The following PRND variants were observed in gnomAD, a reference collection of about 807,000 sequenced individuals.
PRND encodes the protein prion like protein doppel.
For missense variants in PRND, 227 were observed against 223.3 expected, an observed-to-expected ratio of 1.02 and a Z score of -0.11; for synonymous variants, 94 against 93.2, an observed-to-expected ratio of 1.01 and a Z score of -0.05.
At position 4,727,677 on chromosome 20, in the gene PRND, T is replaced by A. The variant is rs932790723; in HGVS notation, c.*2595T>A. 1.2e-5 allele frequency: 2 copies of A among 167,052 alleles called. No individual in the cohort carries two copies. Among genetic ancestry groups the A allele is most frequent in the Non-Finnish European group, 2.9e-5 (2 of 68,122 alleles). 10.3% of individuals were successfully genotyped at this position (167,052 alleles called of 1,614,324 possible). On this transcript the variant is annotated 3_prime_UTR_variant, in exon 2 of 2. Coordinates refer to ENST00000305817, the MANE Select transcript of PRND (RefSeq NM_012409.4). ...AGTGTTTGCTGTTTCCCCTGCACTT[T>A]CCTAGTTCTTAAGCATTTGCGTATG...
Position 4,725,055 on chromosome 20 carries a change from G to A in PRND, c.504G>A (p.Leu168=). The A allele has an allele frequency of 1.2e-6, 2 of 1,613,430 alleles. No homozygotes were observed. The highest frequency in any genetic ancestry group is 1.7e-6 in the Non-Finnish European group (2 of 1,179,950). Residue 168 remains leucine, a synonymous_variant, in exon 2 of 2, where the codon CTG becomes CTA. Transcript: ENST00000305817. The part of the protein sequence containing the change: ...TMHQPVLLCL[L]ALIWLTVK ...ACCAGCCAGTGCTCCTCTGCCTTCT[G>A]GCTTTGATCTGGCTCACGGTGAAAT... is the stretch of plus-strand genomic sequence containing the variant.
intron 1 of PRND, among the ~76,000 whole-genome samples, chr20:4,722,886 T>A (rs563917582): frequency 6.6e-6 from 1 of 151,928 alleles, no homozygotes; most frequent in Admixed American, 6.6e-5. Flanking sequence ...ATGGCTATTG[T>A]AGATTCAGGA....
rs111259759 is a variant in PRND at position 4,723,034 on chromosome 20, C to T, written c.-12+1065C>T. ...CCCCAGGCCCTCCTGTCTTCCCTTT[C>T]ATCTCGTTTTCTCCGAAATTCCTCA... On this transcript the variant is annotated intron_variant, in intron 1 of 1. Coordinates refer to ENST00000305817, the MANE Select transcript of PRND (RefSeq NM_012409.4). Among the ~76,000 whole-genome samples, 177 of 152,284 alleles carry T rather than the reference C, an allele frequency of 1.2e-3. 1 individual carries two copies. Among genetic ancestry groups the T allele is most frequent in the African/African-American group, 4.0e-3 (168 of 41,548 alleles).
At position 4,724,483 on chromosome 20, in the gene PRND, G is replaced by A. The variant is rs1601038108; in HGVS notation, c.-11-58G>A. The A allele has an allele frequency of 6.3e-7, 1 of 1,597,436 alleles. No homozygotes were observed. Among genetic ancestry groups the A allele is most frequent in the Non-Finnish European group, 8.6e-7 (1 of 1,166,608 alleles). ...TTAAAATCTCCTGCACTTGGGAGGG[G>A]GCAGGGGAGCCCAGGCAGGCCTGGT... On this transcript the variant is annotated intron_variant, in intron 1 of 1. Transcript: ENST00000305817. This position sits in a 1 kb window ranked among gnomAD's most constrained non-coding sequence, Gnocchi z 4.8.
Position 4,725,309 on chromosome 20 carries a change from C to T in PRND, c.*227C>T, listed in dbSNP as rs1417545425. On this transcript the variant is annotated 3_prime_UTR_variant, in exon 2 of 2. Transcript: ENST00000305817. ...CCATTCTCAGCCCCTAGCAGAGCGT[C>T]TGGCACACTAGATTAGTAGTAAATG... 3 of 567,938 alleles carry T rather than the reference C, an allele frequency of 5.3e-6. No homozygotes were observed. The highest frequency in any genetic ancestry group is 9.5e-6 in the Non-Finnish European group (3 of 315,984). The allele number at this position is 567,938 out of a possible 1,614,324, so 35.2% of individuals were successfully genotyped here.
chr20:4,724,892 C>A lies in PRND; in HGVS notation c.341C>A (p.Ala114Glu), dbSNP rs151196596. 2 of 1,614,176 alleles carry A rather than the reference C, an allele frequency of 1.2e-6. No individual in the cohort carries two copies. Among genetic ancestry groups the A allele is most frequent in the Non-Finnish European group, 1.7e-6 (2 of 1,180,038 alleles). ...FVTGCINATQ[A>E]ANQGEFQKPD... is the part of the protein sequence containing the mutation. ...ACCGGCTGCATCAATGCCACCCAGG[C>A]GGCGAACCAGGGGGAGTTCCAGAAG... The change falls in exon 2 of 2, where the codon GCG (alanine) becomes GAG (glutamate). Residue 114 changes from alanine (A) to glutamate (E), a missense_variant. Coordinates refer to ENST00000305817, the MANE Select transcript of PRND (RefSeq NM_012409.4). This position sits in a 1 kb window ranked among gnomAD's most constrained non-coding sequence, Gnocchi z 4.8.
At chr20:4,722,505 G>A (rs899474373) in intron 1 of PRND, among the ~76,000 whole-genome samples, 3 of 151,880 alleles carry the variant, frequency 2.0e-5, no homozygotes, top group Admixed American at 6.6e-5. Context: ...GCAAGGAAAG[G>A]TCAGTGAGGC....
chr20:4,724,605 C>T lies in PRND; in HGVS notation c.54C>T (p.Phe18=). ...TGGCCACTGTCTGCATGCTGCTCTT[C>T]AGCCACCTCTCTGCGGTCCAGACGA... is the stretch of plus-strand genomic sequence containing the variant. ...WWLATVCMLL[F]SHLSAVQTRG... The change falls in exon 2 of 2, where the codon TTC becomes TTT. Residue 18 remains phenylalanine (F), a synonymous_variant. Transcript: ENST00000305817. This position sits in a 1 kb window ranked among gnomAD's most constrained non-coding sequence, Gnocchi z 4.8. 1.2e-6 allele frequency: 2 copies of T among 1,614,156 alleles called. No individual in the cohort carries two copies.
rs1923309652 is a variant in PRND at position 4,727,523 on chromosome 20, A to G, written c.*2441A>G. On this transcript the variant is annotated 3_prime_UTR_variant, in exon 2 of 2. Coordinates refer to ENST00000305817, the MANE Select transcript of PRND (RefSeq NM_012409.4). ...TTTTGCAGTGTGCATAATTTTGCCA[A>G]CCGTTGCTTTCGTAGCCCCTGCTAA... 1 of 167,078 alleles carries G rather than the reference A, an allele frequency of 6.0e-6. No individual in the cohort carries two copies. The highest frequency in any genetic ancestry group is 2.4e-5 in the African/African-American group (1 of 41,446). The allele number at this position is 167,078 out of a possible 1,614,324, so 10.3% of individuals were successfully genotyped here. A position where few individuals can be genotyped will look rare whatever the true frequency, so the allele number is the denominator to read the frequency against.
chr20:4,725,109 G>A lies in PRND; in HGVS notation c.*27G>A, dbSNP rs769528919. The A allele has an allele frequency of 2.7e-5, 43 of 1,602,448 alleles. No homozygotes were observed. Among genetic ancestry groups the A allele is most frequent in the Non-Finnish European group, 3.3e-5 (39 of 1,174,504 alleles). On this transcript the variant is annotated 3_prime_UTR_variant, in exon 2 of 2. Transcript: ENST00000305817. ...CTTGCCAGGAGGCTGGCAGTACAGAGTGCAGCAGCGAGCAAATCCTGGCAA... is the reference window on the plus strand; with the variant it reads ...CTTGCCAGGAGGCTGGCAGTACAGAATGCAGCAGCGAGCAAATCCTGGCAA...
rs1923325944 is a variant in PRND at position 4,727,874 on chromosome 20, C to T, written c.*2792C>T. On this transcript the variant is annotated 3_prime_UTR_variant, in exon 2 of 2. Coordinates refer to ENST00000305817, the MANE Select transcript of PRND (RefSeq NM_012409.4). The stretch of plus-strand genomic sequence containing the variant: ...GATCTTGGCTCACTACAACCTCCAC[C>T]TTCCAGGCTTAAGCGATTCTCATGC... 6.2e-6 allele frequency: 1 copy of T among 161,572 alleles called. No homozygotes were observed. Among genetic ancestry groups the T allele is most frequent in the Non-Finnish European group, 1.5e-5 (1 of 67,780 alleles). The allele number at this position is 161,572 out of a possible 1,614,324, so 10.0% of individuals were successfully genotyped here.
Position 4,724,492 on chromosome 20 carries a change from G to C in PRND, c.-11-49G>C. On this transcript the variant is annotated intron_variant, in intron 1 of 1. Coordinates refer to ENST00000305817, the MANE Select transcript of PRND (RefSeq NM_012409.4). This position sits in a 1 kb window ranked among gnomAD's most constrained non-coding sequence, Gnocchi z 4.8. Reference sequence around the variant, plus strand: ...CCTGCACTTGGGAGGGGGCAGGGGAGCCCAGGCAGGCCTGGTGGGGAGCTG... The same window carrying C: ...CCTGCACTTGGGAGGGGGCAGGGGACCCCAGGCAGGCCTGGTGGGGAGCTG... 1 of 1,607,106 alleles carries C rather than the reference G, an allele frequency of 6.2e-7. No homozygotes were observed. The highest frequency in any genetic ancestry group is 8.5e-7 in the Non-Finnish European group (1 of 1,174,928).
Position 4,726,841 on chromosome 20 carries a change from T to A in PRND, c.*1759T>A, listed in dbSNP as rs1223975144. ...ATTTGGAAGGTTTTAACATTGAAAG[T>A]GAGCGGAGGACTTGGGGGCAGAGCA... is the stretch of plus-strand genomic sequence containing the variant. On this transcript the variant is annotated 3_prime_UTR_variant, in exon 2 of 2. Coordinates refer to ENST00000305817, the MANE Select transcript of PRND (RefSeq NM_012409.4). 4 of 167,120 alleles carry A rather than the reference T, an allele frequency of 2.4e-5. No individual in the cohort carries two copies. The highest frequency in any genetic ancestry group is 9.6e-5 in the African/African-American group (4 of 41,456). 10.4% of individuals were successfully genotyped at this position (167,120 alleles called of 1,614,324 possible). A position where few individuals can be genotyped will look rare whatever the true frequency, so the allele number is the denominator to read the frequency against.
chr20:4,722,781 G>A (rs1007117086), intron 1 of PRND, among the ~76,000 whole-genome samples: 2 of 152,096 alleles, frequency 1.3e-5, no homozygotes, highest in African/African-American at 4.8e-5. Flanking sequence ...GGCAAGCTCC[G>A]GTATGGGAAC....
chr20:4,723,547 T>C (rs1923164343), intron 1 of PRND, among the ~76,000 whole-genome samples: 1 of 152,190 alleles, frequency 6.6e-6, no homozygotes, highest in Admixed American at 6.5e-5. Context: ...CTCTCATTAC[T>C]GCAAAGCCCT....
rs75258260 is a variant in PRND, at chr20:4,725,864, T to G, written c.*782T>G. The G allele has an allele frequency of 1.0e-5, 1 of 99,084 alleles. No individual in the cohort carries two copies. Among genetic ancestry groups the G allele is most frequent in the African/African-American group, 7.9e-5 (1 of 12,688 alleles). The allele number at this position is 99,084 out of a possible 1,614,324, so 6.1% of individuals were successfully genotyped here. ...TGTGGCATGAAGATTTTCTTTCTCT[T>G]TTTTTTTTTTTTTTAGATGGAGTTT... On this transcript the variant is annotated 3_prime_UTR_variant, in exon 2 of 2. Coordinates refer to ENST00000305817, the MANE Select transcript of PRND (RefSeq NM_012409.4).
chr20:4,724,599 G>C lies in PRND; in HGVS notation c.48G>C (p.Leu16=), dbSNP rs1209718310. Residue 16 remains leucine (L), a synonymous_variant, in exon 2 of 2, where the codon CTG becomes CTC. Transcript: ENST00000305817. This position sits in a 1 kb window ranked among gnomAD's most constrained non-coding sequence, Gnocchi z 4.8. ...GGTGGCTGGCCACTGTCTGCATGCTGCTCTTCAGCCACCTCTCTGCGGTCC... is the reference window on the plus strand; with the variant it reads ...GGTGGCTGGCCACTGTCTGCATGCTCCTCTTCAGCCACCTCTCTGCGGTCC... The part of the protein sequence containing the change: ...SWWWLATVCM[L]LFSHLSAVQT... 6.2e-7 allele frequency: 1 copy of C among 1,614,038 alleles called. No individual in the cohort carries two copies. The highest frequency in any genetic ancestry group is 1.7e-5 in the Admixed American group (1 of 60,014).
At chr20:4,722,911 G>A (rs950255050) in intron 1 of PRND, among the ~76,000 whole-genome samples, 2 of 152,044 alleles carry the variant, frequency 1.3e-5, no homozygotes, top group African/African-American at 4.8e-5. Context: ...AATGTGACAG[G>A]CAACCTTAAG....
In PRND at chr20:4,724,669, C is replaced by G. The variant is rs1276211813; in HGVS notation, c.118C>G (p.Leu40Val). The G allele has an allele frequency of 6.2e-7, 1 of 1,614,088 alleles. No individual in the cohort carries two copies. Among genetic ancestry groups the G allele is most frequent in the African/African-American group, 1.3e-5 (1 of 74,940 alleles). The change falls in exon 2 of 2, where the codon CTG (leucine) becomes GTG (valine). Residue 40 changes from leucine to valine, a missense_variant. Coordinates refer to ENST00000305817, the MANE Select transcript of PRND (RefSeq NM_012409.4). This position sits in a 1 kb window ranked among gnomAD's most constrained non-coding sequence, Gnocchi z 4.8. ...KHRIKWNRKA[L>V]PSTAQITEAQ... ...CAGAATCAAGTGGAACCGGAAGGCC[C>G]TGCCCAGCACTGCCCAGATCACTGA...
Sources: allele counts gnomAD v4.1 joint callset (sites outside exome capture counted in the v4.1 genomes callset), GRCh38; gene constraint gnomAD v4.1.1; non-coding constraint Gnocchi (gnomAD v3.1); transcripts MANE v1.5; gene names NCBI Gene and HGNC (gene_info 2026-07-23, HGNC 2026-07-21).